The following PCDHGA9 variants were observed in gnomAD, a reference collection of about 807,000 sequenced individuals.
The protein encoded by PCDHGA9 is protocadherin gamma-A9.
A neutral mutation model predicts 62.5 loss-of-function variants in PCDHGA9; 37 were observed. The observed-to-expected ratio is 0.59, with a 90% CI of 0.46 to 0.78. The LOEUF (loss-of-function observed/expected upper bound fraction) is 0.78. Among genes scored for constraint, PCDHGA9 ranks in the 30% least tolerant of loss-of-function variants. The pLI, the probability that PCDHGA9 is intolerant of heterozygous loss-of-function variation, is 0.00. For synonymous variants in PCDHGA9, 459 were observed against 484.6 expected (o/e 0.95, Z 0.69); for missense variants, 1,138 against 1,166.2 (o/e 0.98, Z 0.35).
In PCDHGA9 at chr5:141,408,857, G is replaced by T. The variant is rs372861749; in HGVS notation, c.2424+3481G>T. 1.9e-5 allele frequency: 30 copies of T among 1,613,424 alleles called. No homozygotes were observed. Among genetic ancestry groups the T allele is most frequent in the Non-Finnish European group, 2.5e-5 (29 of 1,179,810 alleles). ...GATATTGACTGCCTTGGACGGAGGG[G>T]ACCCACCAAGAAGTGCCACCGCTCA... On this transcript the variant is annotated intron_variant, in intron 1 of 3. Coordinates refer to ENST00000573521, the MANE Select transcript of PCDHGA9 (RefSeq NM_018921.3).
Position 141,418,145 on chromosome 5 carries a change from T to C in PCDHGA9, c.2424+12769T>C, listed in dbSNP as rs1329322927. On this transcript the variant is annotated intron_variant, in intron 1 of 3. Coordinates refer to ENST00000573521, the MANE Select transcript of PCDHGA9 (RefSeq NM_018921.3). ...GGACCGAATAGACCGTGAGCAAATATGCAAAGAGAGAAGAAGATGTGAGTT... is the reference window on the plus strand; with the variant it reads ...GGACCGAATAGACCGTGAGCAAATACGCAAAGAGAGAAGAAGATGTGAGTT... The C allele has an allele frequency of 5.6e-6, 9 of 1,613,934 alleles. No homozygotes were observed. In the African/African-American group the frequency reaches 8.0e-5, roughly 14 times the overall value.
In PCDHGA9 at chr5:141,405,394, C is replaced by T; in HGVS notation, c.2424+18C>T. 4 of 1,593,132 alleles carry T rather than the reference C, an allele frequency of 2.5e-6. No homozygotes were observed. Among genetic ancestry groups the T allele is most frequent in the Non-Finnish European group, 3.4e-6 (4 of 1,169,026 alleles). ...TGGTTCCGGTGAGTTCATTTTTTTTCTTTCTTTCTTTTCTTTTTTTGTTTT... is the reference window on the plus strand; with the variant it reads ...TGGTTCCGGTGAGTTCATTTTTTTTTTTTCTTTCTTTTCTTTTTTTGTTTT... On this transcript the variant is annotated intron_variant, in intron 1 of 3. Coordinates refer to ENST00000573521, the MANE Select transcript of PCDHGA9 (RefSeq NM_018921.3).
Position 141,403,525 on chromosome 5 carries a change from C to T in PCDHGA9, c.573C>T (p.Asn191=), listed in dbSNP as rs1427557410. ...AGACTGGAGACAATGGAGCCATAAACCCAGAGCTGGTGCTGGAGCGCGCCC... is the reference window on the plus strand; with the variant it reads ...AGACTGGAGACAATGGAGCCATAAATCCAGAGCTGGTGCTGGAGCGCGCCC... The part of the protein sequence containing the change: ...NVQTGDNGAI[N]PELVLERALD... Residue 191 remains asparagine, a synonymous_variant, in exon 1 of 4, where the codon AAC becomes AAT. Coordinates refer to ENST00000573521, the MANE Select transcript of PCDHGA9 (RefSeq NM_018921.3). 1 of 1,614,002 alleles carries T rather than the reference C, an allele frequency of 6.2e-7. No homozygotes were observed. Among genetic ancestry groups the T allele is most frequent in the South Asian group, 1.1e-5 (1 of 91,082 alleles).
At chr5:141,506,563 C>T (rs925780739) in intron 3 of PCDHGA9, among the ~76,000 whole-genome samples, 2 of 152,062 alleles carry the variant, frequency 1.3e-5, no homozygotes, top group Non-Finnish European at 2.9e-5. Context: ...TAAACCCCCT[C>T]GGTTTCACTT....
At chr5:141,472,058 C>T (rs149583469) in intron 1 of PCDHGA9, among the ~76,000 whole-genome samples, 114 of 152,176 alleles carry the variant, frequency 7.5e-4, no homozygotes, top group African/African-American at 2.6e-3. Context: ...AAATGATTGA[C>T]ATGTCTGTGG....
chr5:141,493,560 C>T lies in PCDHGA9; in HGVS notation c.2425-1247C>T, dbSNP rs1222578153. ...TTATCCTTTTGGAGATTGAGTTCCCCCAGCTCCGTTTCCTCCTATCACAAT... is the reference window on the plus strand; with the variant it reads ...TTATCCTTTTGGAGATTGAGTTCCCTCAGCTCCGTTTCCTCCTATCACAAT... On this transcript the variant is annotated intron_variant, in intron 1 of 3. Transcript: ENST00000573521. The surrounding 1 kb of genome is among the most constrained non-coding windows in gnomAD (Gnocchi z 4.3). Among the ~76,000 whole-genome samples, 4 of 152,162 alleles carry T rather than the reference C, an allele frequency of 2.6e-5. No individual in the cohort carries two copies. The highest frequency in any genetic ancestry group is 2.1e-4 in the South Asian group (1 of 4,830).
In PCDHGA9 at chr5:141,404,779, C is replaced by T. The variant is rs779433248; in HGVS notation, c.1827C>T (p.Phe609=). 8.1e-6 allele frequency: 13 copies of T among 1,613,628 alleles called. No individual in the cohort carries two copies. In the Admixed American group the frequency reaches 1.5e-4, roughly 19 times the overall value. ...GQNAWLSYRL[F]KASEPGLFSV... is the part of the protein sequence containing the mutation. ...ATGCTTGGCTCTCCTACCGCCTATT[C>T]AAGGCCAGTGAGCCAGGGCTCTTCT... The change falls in exon 1 of 4, where the codon TTC becomes TTT. Residue 609 remains phenylalanine, a synonymous_variant. Coordinates refer to ENST00000573521, the MANE Select transcript of PCDHGA9 (RefSeq NM_018921.3).
intron 1 of PCDHGA9, chr5:141,408,748 T>A (rs757813921): frequency 2.5e-6 from 4 of 1,608,714 alleles, no homozygotes; most frequent in Non-Finnish European, 3.4e-6. Flanking sequence ...CATTAATGGT[T>A]AGAGTTAATT....
chr5:141,510,323 C>A (rs1173679711), intron 3 of PCDHGA9, among the ~76,000 whole-genome samples: 1 of 151,234 alleles, frequency 6.6e-6, no homozygotes, highest in East Asian at 2.0e-4. Flanking sequence ...TGGAAGAGCA[C>A]TCTTCACCCC....
At chr5:141,494,676 CT>C (rs2099756021) in intron 1 of PCDHGA9, 130 bp from the exon 2 acceptor site, 6 of 1,550,918 alleles carry the variant, frequency 3.9e-6, no homozygotes, top group Non-Finnish European at 4.4e-6. Context: ...GAGTCCACCC[CT>C]GCCCCCTCTT....
rs1477534800 is a variant in PCDHGA9, at chr5:141,404,988, A to G, written c.2036A>G (p.Gln679Arg). The G allele has an allele frequency of 5.0e-6, 8 of 1,613,868 alleles. 1 individual carries two copies. The South Asian group carries it at 7.7e-5, about 16-fold the overall frequency. The change falls in exon 1 of 4, where the codon CAG (glutamine) becomes CGG (arginine). Residue 679 changes from glutamine (Q) to arginine (R), a missense_variant. By Grantham distance (43) the Gln-to-Arg change is conservative. Coordinates refer to ENST00000573521, the MANE Select transcript of PCDHGA9 (RefSeq NM_018921.3). ...ATCCTGGCTGACCTGGGCAGTCTTCAGATCCCTGCAGACCTGGAGGCCTCA... is the reference window on the plus strand; with the variant it reads ...ATCCTGGCTGACCTGGGCAGTCTTCGGATCCCTGCAGACCTGGAGGCCTCA... ...PDILADLGSL[Q>R]IPADLEASDL...
rs1186225096 is a variant in PCDHGA9, at chr5:141,490,605, C to G, written c.2425-4202C>G. The G allele has an allele frequency of 1.1e-5, 18 of 1,614,198 alleles. No homozygotes were observed. Among genetic ancestry groups the G allele is most frequent in the Non-Finnish European group, 1.5e-5 (18 of 1,180,030 alleles). On this transcript the variant is annotated intron_variant, in intron 1 of 3. Transcript: ENST00000573521. The surrounding 1 kb of genome is among the most constrained non-coding windows in gnomAD (Gnocchi z 5.4). ...TCAATGACAATGCACCCCGCTTCAACCAGCAGCTTTACACTGCTTACATCC... is the reference window on the plus strand; with the variant it reads ...TCAATGACAATGCACCCCGCTTCAAGCAGCAGCTTTACACTGCTTACATCC...
intron 1 of PCDHGA9, among the ~76,000 whole-genome samples, chr5:141,483,547 G>A (rs1202182188): frequency 6.6e-6 from 1 of 152,140 alleles, no homozygotes. Context: ...GGTTGACAGT[G>A]CCATTCACAG....
intron 1 of PCDHGA9, chr5:141,475,839 CAG>C: frequency 2.3e-6 from 1 of 433,254 alleles, no homozygotes; most frequent in Non-Finnish European, 4.1e-6. Flanking sequence ...GTGTCCTGCT[CAG>C]AGAGCCCGGC....
At position 141,477,493 on chromosome 5, in the gene PCDHGA9, A is replaced by G. The variant is rs2154575835; in HGVS notation, c.2425-17314A>G. ...ATGACAACCCTCCACAATCTTCTCA[A>G]TCTTCCTACGACGTTTACATTGAAG... On this transcript the variant is annotated intron_variant, in intron 1 of 3. Transcript: ENST00000573521. This position sits in a 1 kb window ranked among gnomAD's most constrained non-coding sequence, Gnocchi z 4.9. 6.2e-7 allele frequency: 1 copy of G among 1,613,976 alleles called. No individual in the cohort carries two copies. The highest frequency in any genetic ancestry group is 1.6e-4 in the Middle Eastern group (1 of 6,062).
At chr5:141,438,631 TATATACAC>T (rs1213304454) in intron 1 of PCDHGA9, among the ~76,000 whole-genome samples, 683 of 43,114 alleles carry the variant, frequency 0.016, 2 homozygotes, top group African/African-American at 0.049. Context: ...TATATATATA[TATATACAC>T]ACACACACAC....
intron 1 of PCDHGA9, chr5:141,423,483 A>G (rs767321755): frequency 1.9e-6 from 3 of 1,613,974 alleles, no homozygotes; most frequent in Middle Eastern, 3.3e-4. Flanking sequence ...CTTTCCTGCA[A>G]ACCTATTCCC....
At position 141,423,418 on chromosome 5, in the gene PCDHGA9, G is replaced by T. The variant is rs1236092057; in HGVS notation, c.2424+18042G>T. On this transcript the variant is annotated intron_variant, in intron 1 of 3. Transcript: ENST00000573521. ...GTCACGCCTGCTGCAGGCTTCTGAAGGCGGGTTGGCAGGTATGCCCACGTC... is the reference window on the plus strand; with the variant it reads ...GTCACGCCTGCTGCAGGCTTCTGAATGCGGGTTGGCAGGTATGCCCACGTC... 1.2e-6 allele frequency: 2 copies of T among 1,614,022 alleles called. No individual in the cohort carries two copies. Among genetic ancestry groups the T allele is most frequent in the South Asian group, 1.1e-5 (1 of 91,088 alleles).
chr5:141,477,438 C>A lies in PCDHGA9; in HGVS notation c.2425-17369C>A, dbSNP rs1386997844. The A allele has an allele frequency of 3.1e-6, 5 of 1,614,174 alleles. No individual in the cohort carries two copies. The Admixed American group carries it at 6.7e-5, about 22-fold the overall frequency. On this transcript the variant is annotated intron_variant, in intron 1 of 3. Coordinates refer to ENST00000573521, the MANE Select transcript of PCDHGA9 (RefSeq NM_018921.3). The surrounding 1 kb of genome is among the most constrained non-coding windows in gnomAD (Gnocchi z 4.9). ...GGAACCCCTTCCCTCTCAGCCCTTA[C>A]AATAGTGCGTGTTCAAGTGTCCGAC...
Sources: gnomAD v4.1 joint callset for allele counts (sites outside exome capture counted in the v4.1 genomes callset) on GRCh38, gnomAD v4.1.1 for gene constraint, Gnocchi (gnomAD v3.1) non-coding constraint, MANE v1.5 for transcripts, NCBI Gene and HGNC (gene_info 2026-07-23, HGNC 2026-07-21) for gene names.